Variants in RGS7 observed in about 807,000 individuals in gnomAD.
RGS7 encodes regulator of G-protein signaling 7.
In RGS7, 27 loss-of-function variants were observed where a neutral mutation model predicts 81.1. That is an observed-to-expected ratio of 0.33 (90% CI 0.25 to 0.46). The LOEUF (loss-of-function observed/expected upper bound fraction) is 0.46. Among genes scored for constraint, RGS7 ranks in the 20% least tolerant of loss-of-function variants. The pLI is 1.00. For synonymous variants in RGS7, 208 were observed against 207.7 expected (o/e 1.00, Z -0.01); for missense variants, 396 against 607.4 (o/e 0.65, Z 3.66).
intron 4 of RGS7, among the ~76,000 whole-genome samples, chr1:240,941,740 G>C (rs1156954632): frequency 6.6e-6 from 1 of 151,782 alleles, no homozygotes; most frequent in Non-Finnish European, 1.5e-5. Context: ...ACAGTTCCCT[G>C]TGGTCCCACT....
chr1:241,000,249 AG>A (rs1687931324), intron 3 of RGS7, among the ~76,000 whole-genome samples: 1 of 152,210 alleles, frequency 6.6e-6, no homozygotes. Flanking sequence ...GAAGCAGACC[AG>A]TGGTGACTAG....
At chr1:241,175,226 A>G (rs1055658028) in intron 2 of RGS7, among the ~76,000 whole-genome samples, 2 of 152,142 alleles carry the variant, frequency 1.3e-5, no homozygotes, top group Admixed American at 6.6e-5. Context: ...GAAGGGAGAT[A>G]TATGAGAAAA....
At chr1:240,838,755 T>A (rs1433663269) in intron 9 of RGS7, among the ~76,000 whole-genome samples, 1 of 151,788 alleles carries the variant, frequency 6.6e-6, no homozygotes, top group African/African-American at 2.4e-5. Flanking sequence ...TTGAGGACAA[T>A]GCTTATTTTT....
intron 2 of RGS7, among the ~76,000 whole-genome samples, chr1:241,135,374 C>T (rs2067429521): frequency 1.3e-5 from 2 of 152,070 alleles, no homozygotes; most frequent in South Asian, 4.2e-4. Flanking sequence ...TTGCAGTGAG[C>T]CGAGATCGCG....
At chr1:241,305,740 T>C (rs1214116339) in intron 2 of RGS7, 14 of 207,336 alleles carry the variant, frequency 6.8e-5, no homozygotes, top group Non-Finnish European at 1.1e-4. Context: ...CACCGCTCTA[T>C]GGGACAAAGC....
At chr1:240,991,436 A>G (rs1388939967) in intron 3 of RGS7, among the ~76,000 whole-genome samples, 1 of 152,236 alleles carries the variant, frequency 6.6e-6, no homozygotes, top group African/African-American at 2.4e-5. Context: ...CTTATCAACC[A>G]GAGAAGCTTT....
intron 3 of RGS7, among the ~76,000 whole-genome samples, chr1:241,077,629 G>A (rs1218861792): frequency 6.6e-6 from 1 of 152,212 alleles, no homozygotes; most frequent in Non-Finnish European, 1.5e-5. Flanking sequence ...CAGCCCTCCA[G>A]CGATTGCTCT....
chr1:240,945,973 G>T (rs1165911021), intron 4 of RGS7, among the ~76,000 whole-genome samples: 1 of 152,130 alleles, frequency 6.6e-6, no homozygotes, highest in African/African-American at 2.4e-5. Flanking sequence ...CTACTGGATA[G>T]AGATCATCTT....
intron 4 of RGS7, among the ~76,000 whole-genome samples, chr1:240,955,663 CA>C (rs1348864774): frequency 6.6e-6 from 1 of 150,414 alleles, no homozygotes; most frequent in Non-Finnish European, 1.5e-5. Context: ...GGAAAAAGAA[CA>C]GAGAAATATA....
At chr1:240,806,050 G>A in intron 15 of RGS7, 90 bp downstream of exon 15, 1 of 1,113,022 alleles carries the variant, frequency 9.0e-7, no homozygotes, top group Non-Finnish European at 1.4e-6. Flanking sequence ...GTTAGAAATA[G>A]CTGCCATTTA....
intron 3 of RGS7, among the ~76,000 whole-genome samples, chr1:241,055,125 T>C (rs1363925202): frequency 6.6e-6 from 1 of 152,162 alleles, no homozygotes; most frequent in Admixed American, 6.5e-5. Context: ...GTATAAAAGA[T>C]AGGAAAAACC....
intron 14 of RGS7, among the ~76,000 whole-genome samples, chr1:240,806,768 A>C (rs1688926094): frequency 6.6e-6 from 1 of 151,992 alleles, no homozygotes; most frequent in South Asian, 2.1e-4. Context: ...TGGGAGATAA[A>C]GCTGTGCATT....
intron 2 of RGS7, among the ~76,000 whole-genome samples, chr1:241,123,760 A>C (rs1409065856): frequency 2.0e-5 from 3 of 152,180 alleles, no homozygotes; most frequent in Non-Finnish European, 4.4e-5. Context: ...TCAAAAAAAG[A>C]AAAGAAAAGA....
At chr1:241,067,235 G>T (rs1210570044) in intron 3 of RGS7, among the ~76,000 whole-genome samples, 1 of 152,058 alleles carries the variant, frequency 6.6e-6, no homozygotes, top group African/African-American at 2.4e-5. Context: ...CCACTACAAT[G>T]GAAGCTTTCG....
chr1:241,127,128 A>G (rs944190075), intron 2 of RGS7, among the ~76,000 whole-genome samples: 2 of 152,208 alleles, frequency 1.3e-5, no homozygotes, highest in African/African-American at 2.4e-5. Context: ...AGAAGAAGCA[A>G]CATCTAATTC....
intron 3 of RGS7, among the ~76,000 whole-genome samples, chr1:241,005,305 T>A (rs1297618510): frequency 6.6e-6 from 1 of 152,214 alleles, no homozygotes; most frequent in Non-Finnish European, 1.5e-5. Flanking sequence ...ATGCACAGAA[T>A]TTTAGTCCAA....
intron 2 of RGS7, among the ~76,000 whole-genome samples, chr1:241,183,992 G>A (rs1339166463): frequency 6.6e-6 from 1 of 152,158 alleles, no homozygotes; most frequent in Non-Finnish European, 1.5e-5. Flanking sequence ...GGAGTCGATG[G>A]GAGTCAGAAC....
In RGS7 at chr1:241,258,510, C is replaced by T. The variant is rs532478602; in HGVS notation, c.78+97189G>A. 1.8e-4 allele frequency among the ~76,000 whole-genome samples: 27 copies of T among 152,226 alleles called. No individual in the cohort carries two copies. In the South Asian group the frequency reaches 3.7e-3, roughly 21 times the overall value. On this transcript the variant is annotated intron_variant, in intron 2 of 18. Transcript: ENST00000440928. ...ACATCAAGCTTTCAGGAGTCATGCA[C>T]GCATACCAAGGTCTTTAAAGGAACA...
chr1:240,856,293 T>C (rs899421719), intron 9 of RGS7, among the ~76,000 whole-genome samples: 2 of 152,212 alleles, frequency 1.3e-5, no homozygotes, highest in East Asian at 3.8e-4. Flanking sequence ...AGCTCTACTA[T>C]AGATCTCATT....
Sources: gnomAD v4.1 joint callset for allele counts (sites outside exome capture counted in the v4.1 genomes callset) on GRCh38, gnomAD v4.1.1 for gene constraint, MANE v1.5 for transcripts, NCBI Gene and HGNC (gene_info 2026-07-23, HGNC 2026-07-21) for gene names.